The following ING3 variants were observed in gnomAD, a reference collection of about 807,000 sequenced individuals.
The protein encoded by ING3 is inhibitor of growth protein 3.
In ING3, 6 loss-of-function variants were observed where a neutral mutation model predicts 64.8. The ratio of observed to expected loss-of-function variants is 0.09; its 90% CI spans 0.05 to 0.18. The LOEUF is 0.18. Among genes scored for constraint, ING3 ranks in the 10% least tolerant of loss-of-function variants. The pLI is 1.00. For missense variants in ING3, 310 were observed against 489.7 expected (o/e 0.63, Z 3.46); for synonymous variants, 170 against 173.7 (o/e 0.98, Z 0.17).
chr7:120,952,817 A>G (rs1291745943), intron 2 of ING3, among the ~76,000 whole-genome samples: 1 of 151,930 alleles, frequency 6.6e-6, no homozygotes, highest in Non-Finnish European at 1.5e-5. Flanking sequence ...TAATTTGGGG[A>G]AAACTTACCT....
Position 120,951,187 on chromosome 7 carries a change from C to T in ING3, c.52C>T (p.Leu18=). 1.2e-6 allele frequency: 2 copies of T among 1,614,170 alleles called. No homozygotes were observed. The highest frequency in any genetic ancestry group is 1.7e-6 in the Non-Finnish European group (2 of 1,180,024). Residue 18 remains leucine (L), a synonymous_variant, in exon 2 of 12, where the codon CTG becomes TTG. Coordinates refer to ENST00000315870, the MANE Select transcript of ING3 (RefSeq NM_019071.3). ...LEMIEQLPMD[L]RDRFTEMREM... ...AGTGATTGAGCAGCTTCCTATGGAT[C>T]TGCGGGACCGCTTCACGGAAATGCG... is the stretch of plus-strand genomic sequence containing the variant.
At chr7:120,957,099 C>T (rs1385932641) in intron 4 of ING3, 1 of 161,172 alleles carries the variant, frequency 6.2e-6, no homozygotes, top group Non-Finnish European at 1.3e-5. Context: ...AGGCCGGGCG[C>T]AGTGGCTCAC....
chr7:120,973,615 T>G (rs1796097717), intron 11 of ING3, among the ~76,000 whole-genome samples: 1 of 152,152 alleles, frequency 6.6e-6, no homozygotes, highest in Admixed American at 6.5e-5. Context: ...TGCACCGTGC[T>G]AAAGTGAAGG....
At chr7:120,963,441 T>C (rs1384633865) in intron 4 of ING3, among the ~76,000 whole-genome samples, 1 of 143,972 alleles carries the variant, frequency 6.9e-6, no homozygotes, top group Non-Finnish European at 1.5e-5. Context: ...GAAGAATGTT[T>C]TTCAAAAAAA....
rs182942523 is a variant in ING3, at chr7:120,966,587, A to G, written c.365-39A>G. On this transcript the variant is annotated intron_variant, in intron 5 of 11. Coordinates refer to ENST00000315870, the MANE Select transcript of ING3 (RefSeq NM_019071.3). ...GTGACATGTGAAGTTCTGCGGTGAC[A>G]TTTAATGGTGGTGTATCTCTGTGCC... 109 of 1,479,354 alleles carry G rather than the reference A, an allele frequency of 7.4e-5. 1 individual carries two copies. In the African/African-American group the frequency reaches 1.3e-3, roughly 17 times the overall value. The allele number at this position is 1,479,354 out of a possible 1,614,324, so 91.6% of individuals were successfully genotyped here.
chr7:120,971,319 A>G (rs1796067407), intron 10 of ING3, among the ~76,000 whole-genome samples: 1 of 152,176 alleles, frequency 6.6e-6, no homozygotes, highest in African/African-American at 2.4e-5. Flanking sequence ...ATAGAGGGAG[A>G]AAGAGTGTGC....
At chr7:120,969,471 A>T (rs1344533299) in intron 9 of ING3, among the ~76,000 whole-genome samples, 1 of 152,182 alleles carries the variant, frequency 6.6e-6, no homozygotes, top group Non-Finnish European at 1.5e-5. Context: ...TTTATTCATT[A>T]AGATAAATCA....
rs542420324 is a variant in ING3, at chr7:120,951,786, A to G, written c.100+551A>G. ...TTCTTGGTTAAAATGAGTGACAGAA[A>G]TTAGATTTCACTGTAAAGTTTCTTA... On this transcript the variant is annotated intron_variant, in intron 2 of 11. Coordinates refer to ENST00000315870, the MANE Select transcript of ING3 (RefSeq NM_019071.3). Among the ~76,000 whole-genome samples the G allele has an allele frequency of 6.6e-5, 10 of 152,342 alleles. No homozygotes were observed. The South Asian group carries it at 2.1e-3, about 32-fold the overall frequency.
At chr7:120,970,149 A>AGTAT (rs1199998363) in intron 9 of ING3, among the ~76,000 whole-genome samples, 3 of 152,138 alleles carry the variant, frequency 2.0e-5, no homozygotes, top group Non-Finnish European at 2.9e-5. Flanking sequence ...TTTGATGAAG[A>AGTAT]GTATTCAGTT....
Position 120,970,669 on chromosome 7 carries a change from C to T in ING3, c.909-19C>T, listed in dbSNP as rs367886231. 6.8e-6 allele frequency: 11 copies of T among 1,611,954 alleles called. No homozygotes were observed. The Admixed American group carries it at 8.3e-5, about 12-fold the overall frequency. Reference sequence around the variant, plus strand: ...ACTTCTGGATGGTGAGCAAATAAAACTTATACTATTTTTTTCAGAAACAAC... The same window carrying T: ...ACTTCTGGATGGTGAGCAAATAAAATTTATACTATTTTTTTCAGAAACAAC... On this transcript the variant is annotated intron_variant, in intron 9 of 11. Coordinates refer to ENST00000315870, the MANE Select transcript of ING3 (RefSeq NM_019071.3).
rs77988546 is a variant in ING3 at position 120,970,065 on chromosome 7, T to C, written c.909-623T>C. 2.6e-3 allele frequency among the ~76,000 whole-genome samples: 395 copies of C among 152,324 alleles called. 1 individual carries two copies. The highest frequency in any genetic ancestry group is 9.1e-3 in the African/African-American group (377 of 41,588). On this transcript the variant is annotated intron_variant, in intron 9 of 11. Coordinates refer to ENST00000315870, the MANE Select transcript of ING3 (RefSeq NM_019071.3). ...CAGTCTTGGTTCCCTGCCATACTCA[T>C]GGTAGGTATTCACACATCAGTTGAT...
At position 120,968,789 on chromosome 7, in the gene ING3, C is replaced by T. The variant is rs568231427; in HGVS notation, c.715-222C>T. Reference sequence around the variant, plus strand: ...TGAACCTGAGAGGTGGAGGTTGCAGCGAGCCAAAATCGTGCCACTAGACTC... The same window carrying T: ...TGAACCTGAGAGGTGGAGGTTGCAGTGAGCCAAAATCGTGCCACTAGACTC... On this transcript the variant is annotated intron_variant, in intron 8 of 11. Transcript: ENST00000315870. Among the ~76,000 whole-genome samples, 67 of 139,640 alleles carry T rather than the reference C, an allele frequency of 4.8e-4. 1 individual carries two copies. In the South Asian group the frequency reaches 0.014, roughly 29 times the overall value. 91.6% of individuals were successfully genotyped at this position (139,640 alleles called of 152,430 possible). A position where few individuals can be genotyped will look rare whatever the true frequency, so the allele number is the denominator to read the frequency against.
chr7:120,974,968 A>T lies in ING3; in HGVS notation c.*124A>T, dbSNP rs960360961. 1.4e-5 allele frequency: 8 copies of T among 580,410 alleles called. No individual in the cohort carries two copies. The highest frequency in any genetic ancestry group is 2.1e-5 in the Non-Finnish European group (7 of 335,950). The allele number at this position is 580,410 out of a possible 1,614,324, so 36.0% of individuals were successfully genotyped here. ...AGGCAACCACTTAAAGGATTTACAT[A>T]GACAATCCTATAAGATCTTGAACTT... On this transcript the variant is annotated 3_prime_UTR_variant, in exon 12 of 12. Coordinates refer to ENST00000315870, the MANE Select transcript of ING3 (RefSeq NM_019071.3).
intron 8 of ING3, 97 bp downstream of exon 8, chr7:120,968,188 CGTT>C: frequency 9.4e-7 from 1 of 1,060,294 alleles, no homozygotes; most frequent in Non-Finnish European, 1.3e-6. Context: ...AGTTTTCTAA[CGTT>C]GTATATTTTC....
chr7:120,964,709 T>G, intron 4 of ING3, 33 bp from the exon 5 acceptor site: 1 of 1,580,530 alleles, frequency 6.3e-7, no homozygotes, highest in Non-Finnish European at 8.7e-7. Flanking sequence ...TGTCCCAAAT[T>G]TTGGTGGTTA....
chr7:120,968,136 A>T, intron 8 of ING3, 45 bp downstream of exon 8: 1 of 1,527,394 alleles, frequency 6.5e-7, no homozygotes, highest in Admixed American at 1.9e-5. Context: ...ATTTTGTCGG[A>T]ATCATTGGAA....
chr7:120,975,869 T>C lies in ING3; in HGVS notation c.*1025T>C, dbSNP rs1303098857. The C allele has an allele frequency of 6.6e-6, 1 of 152,180 alleles. No individual in the cohort carries two copies. The highest frequency in any genetic ancestry group is 1.5e-5 in the Non-Finnish European group (1 of 68,010). The allele number at this position is 152,180 out of a possible 1,614,324, so 9.4% of individuals were successfully genotyped here. A position where few individuals can be genotyped will look rare whatever the true frequency, so the allele number is the denominator to read the frequency against. On this transcript the variant is annotated 3_prime_UTR_variant, in exon 12 of 12. Coordinates refer to ENST00000315870, the MANE Select transcript of ING3 (RefSeq NM_019071.3). Reference sequence around the variant, plus strand: ...ATGCCAATGTATTTTTTTAAGAACATCATCTGGCTTTTCCTTCAGTCTAAA... The same window carrying C: ...ATGCCAATGTATTTTTTTAAGAACACCATCTGGCTTTTCCTTCAGTCTAAA...
intron 7 of ING3, 21 bp from the exon 8 acceptor site, chr7:120,967,913 T>A: frequency 6.2e-7 from 1 of 1,612,014 alleles, no homozygotes; most frequent in Non-Finnish European, 8.5e-7. Flanking sequence ...CCATTTTTAT[T>A]TCTTTTTTAC....
At chr7:120,956,998 C>G (rs1399961172) in intron 4 of ING3, 13 of 357,670 alleles carry the variant, frequency 3.6e-5, no homozygotes, top group Non-Finnish European at 5.1e-5. Context: ...GTGTATTCAT[C>G]TCTTATTTAA....
Sources: allele counts gnomAD v4.1 joint callset (sites outside exome capture counted in the v4.1 genomes callset), GRCh38; gene constraint gnomAD v4.1.1; transcripts MANE v1.5; gene names NCBI Gene and HGNC (gene_info 2026-07-23, HGNC 2026-07-21).